Variants in L3MBTL4 observed in about 807,000 individuals in gnomAD.
The protein encoded by L3MBTL4 is lethal(3)malignant brain tumor-like protein 4.
Under a neutral mutation model 84.5 loss-of-function variants are expected in L3MBTL4, and 70 were observed. The ratio of observed to expected loss-of-function variants is 0.83; its 90% CI spans 0.68 to 1.01. L3MBTL4 has a LOEUF of 1.01. L3MBTL4 is among the 50% of genes least tolerant of loss of function. L3MBTL4 has a pLI of 0.00. For synonymous variants in L3MBTL4, 274 were observed against 259.8 expected (o/e 1.05, Z -0.52); for missense variants, 715 against 754.8 (o/e 0.95, Z 0.62).
At chr18:6,363,350 C>T (rs1011755054) in intron 1 of L3MBTL4, among the ~76,000 whole-genome samples, 1 of 152,152 alleles carries the variant, frequency 6.6e-6, no homozygotes, top group African/African-American at 2.4e-5. Context: ...GTGCCCTAGT[C>T]CCCCTCCAGG....
intron 12 of L3MBTL4, among the ~76,000 whole-genome samples, chr18:6,209,445 C>CAAAAAAAAAA (rs60613997): frequency 0.023 from 2,611 of 113,280 alleles, 69 homozygotes; most frequent in African/African-American, 0.077. Context: ...ACTAAACTGG[C>CAAAAAAAAAA]AAAAAAAAAA....
chr18:6,165,560 A>C (rs1245061037), intron 13 of L3MBTL4, among the ~76,000 whole-genome samples: 1 of 152,204 alleles, frequency 6.6e-6, no homozygotes, highest in Admixed American at 6.5e-5. Context: ...TCAACCCAAA[A>C]TTTCATATCC....
At chr18:5,985,935 G>A (rs2053444520) in intron 16 of L3MBTL4, among the ~76,000 whole-genome samples, 1 of 152,160 alleles carries the variant, frequency 6.6e-6, no homozygotes, top group Non-Finnish European at 1.5e-5. Context: ...GCTGTAGAGG[G>A]TCAGAGGGCA....
chr18:6,323,228 T>C (rs1234993347), intron 1 of L3MBTL4, among the ~76,000 whole-genome samples: 1 of 152,134 alleles, frequency 6.6e-6, no homozygotes, highest in Non-Finnish European at 1.5e-5. Flanking sequence ...TTTATAGCAA[T>C]GCAAGAATGA....
intron 15 of L3MBTL4, among the ~76,000 whole-genome samples, chr18:6,088,593 C>A (rs1473820626): frequency 6.6e-6 from 1 of 151,834 alleles, no homozygotes. Context: ...CTCTACCTCC[C>A]AAAGCAGAGA....
intron 1 of L3MBTL4, among the ~76,000 whole-genome samples, chr18:6,366,612 T>C (rs2053946109): frequency 6.6e-6 from 1 of 152,220 alleles, no homozygotes; most frequent in Non-Finnish European, 1.5e-5. Flanking sequence ...CATATCTCTA[T>C]TAGTATTGTA....
chr18:6,215,032 T>C (rs916071657), intron 11 of L3MBTL4, among the ~76,000 whole-genome samples: 1 of 152,186 alleles, frequency 6.6e-6, no homozygotes, highest in Non-Finnish European at 1.5e-5. Context: ...TGAAATATCA[T>C]TTTGTTTCAA....
At chr18:6,134,078 A>G (rs1226531470) in intron 14 of L3MBTL4, among the ~76,000 whole-genome samples, 1 of 152,172 alleles carries the variant, frequency 6.6e-6, no homozygotes, top group Non-Finnish European at 1.5e-5. Flanking sequence ...GAGGCCTCAT[A>G]TTCATGGCAG....
intron 15 of L3MBTL4, among the ~76,000 whole-genome samples, chr18:6,083,492 G>A (rs1208814109): frequency 6.6e-6 from 1 of 152,174 alleles, no homozygotes; most frequent in Non-Finnish European, 1.5e-5. Flanking sequence ...AAAAGTCACA[G>A]AGGAATTTGT....
chr18:6,147,156 G>C lies in L3MBTL4; in HGVS notation c.1097-8860C>G, dbSNP rs183955986. ...CTTTACTTTGGACTGGAAATGTTTAGGTTAGTATCTTGGTTTTTTCCCTGC... is the reference window on the plus strand; with the variant it reads ...CTTTACTTTGGACTGGAAATGTTTACGTTAGTATCTTGGTTTTTTCCCTGC... On this transcript the variant is annotated intron_variant, in intron 13 of 18. Coordinates refer to ENST00000317931, the MANE Select transcript of L3MBTL4 (RefSeq NM_001330559.2). Among the ~76,000 whole-genome samples the C allele has an allele frequency of 4.1e-4, 62 of 152,198 alleles. 1 individual carries two copies. In the Middle Eastern group the frequency reaches 0.01, roughly 25 times the overall value.
At chr18:5,993,127 C>T (rs1325363958) in intron 16 of L3MBTL4, among the ~76,000 whole-genome samples, 2 of 152,192 alleles carry the variant, frequency 1.3e-5, no homozygotes, top group Middle Eastern at 3.2e-3. Flanking sequence ...TGTTCTCTTT[C>T]CAGCGCTCAC....
Position 6,115,188 on chromosome 18 carries a change from A to C in L3MBTL4, c.1200-21660T>G, listed in dbSNP as rs147036659. On this transcript the variant is annotated intron_variant, in intron 14 of 18. Transcript: ENST00000317931. ...TTTGAATGGTTTTTGAGAAATGGGC[A>C]GCCATTGGGAGGTGCTTAAAGCAGA... Among the ~76,000 whole-genome samples, 608 of 152,280 alleles carry C rather than the reference A, an allele frequency of 4.0e-3. 6 individuals are homozygous for C. Among genetic ancestry groups the C allele is most frequent in the African/African-American group, 0.014 (575 of 41,548 alleles).
intron 15 of L3MBTL4, 142 bp downstream of exon 15, chr18:6,093,213 C>A: frequency 1.7e-6 from 1 of 600,046 alleles, no homozygotes. Context: ...TGAATTTTAT[C>A]AGCCCAGCGA....
In L3MBTL4 at chr18:6,031,423, T is replaced by C. The variant is rs535109971; in HGVS notation, c.1444+49458A>G. 33 of 985,444 alleles carry C rather than the reference T, an allele frequency of 3.3e-5. No individual in the cohort carries two copies. In the African/African-American group the frequency reaches 5.6e-4, roughly 17 times the overall value. 61.0% of individuals were successfully genotyped at this position (985,444 alleles called of 1,614,324 possible). On this transcript the variant is annotated intron_variant, in intron 16 of 18. Transcript: ENST00000317931. The stretch of plus-strand genomic sequence containing the variant: ...TTTGTGGCCGTCTAACTTCTGAACA[T>C]TTATAAGTTGCGAGGTGGGACCATT...
chr18:6,284,483 G>A (rs917638769), intron 4 of L3MBTL4, among the ~76,000 whole-genome samples: 4 of 152,210 alleles, frequency 2.6e-5, no homozygotes, highest in African/African-American at 9.6e-5. Flanking sequence ...AGGGCCCGCA[G>A]CTCAGCTCAG....
chr18:6,090,847 C>T (rs1388293670), intron 15 of L3MBTL4, among the ~76,000 whole-genome samples: 4 of 148,420 alleles, frequency 2.7e-5, no homozygotes, highest in African/African-American at 1.0e-4. Context: ...GTTGCCCAGA[C>T]TGGAACTCTG....
At chr18:6,146,866 G>T (rs892383431) in intron 13 of L3MBTL4, among the ~76,000 whole-genome samples, 2 of 152,114 alleles carry the variant, frequency 1.3e-5, no homozygotes, top group Non-Finnish European at 2.9e-5. Flanking sequence ...GCAGTGGGGC[G>T]ATCAGGGACT....
chr18:6,001,840 GAAA>G (rs1299096516), intron 16 of L3MBTL4, among the ~76,000 whole-genome samples: 1 of 152,036 alleles, frequency 6.6e-6, no homozygotes, highest in Non-Finnish European at 1.5e-5. Context: ...GTTTCTGAAG[GAAA>G]AAAGAGAGGG....
At chr18:6,057,750 TAATA>T (rs1248282884) in intron 16 of L3MBTL4, among the ~76,000 whole-genome samples, 2 of 152,142 alleles carry the variant, frequency 1.3e-5, no homozygotes, top group Admixed American at 6.5e-5. Context: ...TTGTCTGTGC[TAATA>T]AATAAAGTCC....
Sources: allele counts gnomAD v4.1 joint callset (sites outside exome capture counted in the v4.1 genomes callset), GRCh38; gene constraint gnomAD v4.1.1; transcripts MANE v1.5; gene names NCBI Gene and HGNC (gene_info 2026-07-23, HGNC 2026-07-21).